Variants in SEC63 observed in about 807,000 individuals in gnomAD.
SEC63 encodes SEC63 protein translocation regulator, also known as translocation protein SEC63 homolog.
Under a neutral mutation model 116.2 loss-of-function variants are expected in SEC63, and 56 were observed. The observed-to-expected ratio is 0.48, with a 90% CI of 0.39 to 0.60. SEC63 has a LOEUF of 0.60. Among genes scored for constraint, SEC63 ranks in the 20% least tolerant of loss-of-function variants. SEC63 has a pLI of 0.00. For synonymous variants in SEC63, 273 were observed against 294.6 expected (o/e 0.93, Z 0.75); for missense variants, 668 against 900.0 (o/e 0.74, Z 3.30).
intron 16 of SEC63, 168 bp from the exon 17 acceptor site, chr6:107,883,314 G>A (rs2114407164): frequency 2.8e-6 from 2 of 726,132 alleles, no homozygotes; most frequent in East Asian, 2.8e-5. Context: ...ATAAAGATGT[G>A]GGAGTCAGAC....
In SEC63 at chr6:107,901,493, A is replaced by C. The variant is rs769921992; in HGVS notation, c.1234T>G (p.Leu412Val). 17 of 1,599,308 alleles carry C rather than the reference A, an allele frequency of 1.1e-5. No individual in the cohort carries two copies. The highest frequency in any genetic ancestry group is 1.5e-5 in the Non-Finnish European group (17 of 1,166,970). Residue 412 changes from leucine (L) to valine (V), a missense_variant, in exon 13 of 21, where the codon TTG (leucine) becomes GTG (valine). Transcript: ENST00000369002. ...CGATCTGATTCTTTTAAACTCACCA[A>C]ATCCTGGATAGTTTTAATTTTATAC... ...KKYKIKTIQD[L>V]VSLKESDRHT... is the part of the protein sequence containing the mutation.
chr6:107,907,706 T>G (rs546698785), intron 8 of SEC63, among the ~76,000 whole-genome samples: 1 of 152,360 alleles, frequency 6.6e-6, no homozygotes, highest in East Asian at 1.9e-4. Flanking sequence ...CATATCTGTG[T>G]ATCTCAGCTT....
At chr6:107,942,533 A>AC (rs1424405418) in intron 1 of SEC63, among the ~76,000 whole-genome samples, 8 of 152,224 alleles carry the variant, frequency 5.3e-5, no homozygotes, top group Admixed American at 1.3e-4. Flanking sequence ...TAGAAAAAAA[A>AC]CAAAACAAAA....
intron 1 of SEC63, among the ~76,000 whole-genome samples, chr6:107,956,357 TACA>T (rs1770711278): frequency 6.6e-6 from 1 of 152,174 alleles, no homozygotes; most frequent in Admixed American, 6.5e-5. Context: ...TAACTTGAAA[TACA>T]ACAACCACAA....
chr6:107,915,848 T>C (rs919594931), intron 4 of SEC63, among the ~76,000 whole-genome samples: 1 of 152,204 alleles, frequency 6.6e-6, no homozygotes, highest in Non-Finnish European at 1.5e-5. Flanking sequence ...TTATCTAATA[T>C]AGTTATATTT....
At chr6:107,933,869 C>T (rs1158367842) in intron 1 of SEC63, among the ~76,000 whole-genome samples, 4 of 152,200 alleles carry the variant, frequency 2.6e-5, no homozygotes, top group South Asian at 2.1e-4. Context: ...TGCAGGCGCG[C>T]GCCGCCACGC....
chr6:107,913,884 C>T lies in SEC63; in HGVS notation c.453-457G>A, dbSNP rs1583751785. 2.0e-5 allele frequency among the ~76,000 whole-genome samples: 3 copies of T among 152,216 alleles called. No individual in the cohort carries two copies. In the South Asian group the frequency reaches 6.2e-4, roughly 32 times the overall value. ...ACATAAATTTAATTCATAATGGTAG[C>T]TTCCCCACAAAACAATAGCACCACA... is the stretch of plus-strand genomic sequence containing the variant. On this transcript the variant is annotated intron_variant, in intron 4 of 20. Transcript: ENST00000369002.
chr6:107,880,605 T>A (rs1451363454), intron 18 of SEC63, among the ~76,000 whole-genome samples: 1 of 152,204 alleles, frequency 6.6e-6, no homozygotes, highest in African/African-American at 2.4e-5. Flanking sequence ...ATCAAGCTCT[T>A]ATGGAACTTT....
chr6:107,921,932 AACAAGCTTTCTGTTAGC>A, intron 3 of SEC63, 23 bp from the exon 4 acceptor site: 1 of 1,153,290 alleles, frequency 8.7e-7, no homozygotes, highest in Non-Finnish European at 1.3e-6. Flanking sequence ...AAAAAAAAAA[AACAAGCTTTCTGTTAGC>A]AAAAATAAGC....
intron 14 of SEC63, among the ~76,000 whole-genome samples, chr6:107,895,312 T>C (rs1786789162): frequency 6.6e-6 from 1 of 152,204 alleles, no homozygotes; most frequent in African/African-American, 2.4e-5. Flanking sequence ...CAGTTCCTCT[T>C]CTCCCAGGAG....
chr6:107,921,733 T>C, intron 4 of SEC63, 64 bp downstream of exon 4: 1 of 1,028,600 alleles, frequency 9.7e-7, no homozygotes, highest in African/African-American at 1.6e-5. Context: ...ATTACAGGCA[T>C]GAACCACTGC....
intron 7 of SEC63, among the ~76,000 whole-genome samples, chr6:107,910,302 C>CA (rs1007642558): frequency 6.6e-6 from 1 of 151,800 alleles, no homozygotes; most frequent in African/African-American, 2.4e-5. Context: ...CCCATCTCTA[C>CA]AAAAAAATTT....
At position 107,898,636 on chromosome 6, in the gene SEC63, ATTAT is replaced by A. The variant is rs3839615; in HGVS notation, c.1358-909_1358-906del. ...ATGGTACTAAATACGTGTTTTTGCA[ATTAT>A]TTAATTTTTAAAACCATATTTCCCA... On this transcript the variant is annotated intron_variant, in intron 13 of 20. Transcript: ENST00000369002. Among the ~76,000 whole-genome samples, 31 of 152,298 alleles carry A rather than the reference ATTAT, an allele frequency of 2.0e-4. 1 individual carries two copies. In the East Asian group the frequency reaches 6.0e-3, roughly 29 times the overall value.
chr6:107,928,488 CAA>C (rs764402389), intron 2 of SEC63, among the ~76,000 whole-genome samples: 15 of 84,728 alleles, frequency 1.8e-4, no homozygotes, highest in East Asian at 3.4e-4. Flanking sequence ...GACTCTGTCT[CAA>C]AAAAAAAAAA....
intron 16 of SEC63, among the ~76,000 whole-genome samples, chr6:107,888,699 T>C (rs1430056194): frequency 6.6e-6 from 1 of 152,202 alleles, no homozygotes. Flanking sequence ...TTCCAGTTTT[T>C]GCCCATTCAG....
intron 18 of SEC63, chr6:107,876,928 C>A (rs1359619820): frequency 2.5e-6 from 1 of 394,554 alleles, no homozygotes; most frequent in Non-Finnish European, 4.7e-6. Flanking sequence ...ATATTAAAAA[C>A]CCTGACTAAC....
intron 1 of SEC63, among the ~76,000 whole-genome samples, chr6:107,950,075 T>C (rs114882937): frequency 6.6e-6 from 1 of 152,002 alleles, no homozygotes; most frequent in African/African-American, 2.4e-5. Context: ...CACAAACAGA[T>C]TGAAGGTGAA....
At chr6:107,930,537 G>A (rs1267335166) in intron 1 of SEC63, among the ~76,000 whole-genome samples, 1 of 151,620 alleles carries the variant, frequency 6.6e-6, no homozygotes, top group Admixed American at 6.6e-5. Flanking sequence ...AACCTGGGAG[G>A]TGGAGGTTGC....
chr6:107,921,975 A>C (rs1787568944), intron 3 of SEC63, 66 bp from the exon 4 acceptor site: 3 of 923,134 alleles, frequency 3.2e-6, no homozygotes, highest in Non-Finnish European at 5.3e-6. Context: ...TCTGTAAAGA[A>C]ATAATCAATC....
Sources: allele counts gnomAD v4.1 joint callset (sites outside exome capture counted in the v4.1 genomes callset), GRCh38; gene constraint gnomAD v4.1.1; transcripts MANE v1.5; gene names NCBI Gene and HGNC (gene_info 2026-07-23, HGNC 2026-07-21).